Variants in THAP2 observed in about 807,000 individuals in gnomAD.
The protein encoded by THAP2 is THAP domain containing 2.
In THAP2, 16 loss-of-function variants were observed where a neutral mutation model predicts 18.8. That is an observed-to-expected ratio of 0.85 (90% CI 0.58 to 1.29). The LOEUF (loss-of-function observed/expected upper bound fraction) is 1.29, where lower values mean the gene tolerates loss of function less well. Ranked by LOEUF, THAP2 falls within the 50% of genes most tolerant of loss-of-function variation. The pLI is 0.00. For synonymous variants in THAP2, 80 were observed against 89.2 expected, an observed-to-expected ratio of 0.90 and a Z score of 0.58; for missense variants, 251 against 265.3, an observed-to-expected ratio of 0.95 and a Z score of 0.38.
At chr12:71,674,915 A>G (rs1032977253) in intron 2 of THAP2, among the ~76,000 whole-genome samples, 1 of 152,080 alleles carries the variant, frequency 6.6e-6, no homozygotes, top group African/African-American at 2.4e-5. Context: ...TTGCATAATG[A>G]GAACAAAAAC....
intron 1 of THAP2, among the ~76,000 whole-genome samples, chr12:71,672,815 G>A (rs891592574): frequency 6.6e-6 from 1 of 151,832 alleles, no homozygotes; most frequent in Admixed American, 6.6e-5. Context: ...ACTTCATATG[G>A]GTATCATGGT....
At chr12:71,669,725 G>A (rs943754253) in intron 1 of THAP2, among the ~76,000 whole-genome samples, 8 of 152,118 alleles carry the variant, frequency 5.3e-5, no homozygotes, top group Non-Finnish European at 1.2e-4. Flanking sequence ...GGAGGCCGAG[G>A]CAGGTGGATC....
At chr12:71,668,462 C>A (rs891701786) in intron 1 of THAP2, among the ~76,000 whole-genome samples, 2 of 113,508 alleles carry the variant, frequency 1.8e-5, no homozygotes, top group African/African-American at 1.2e-4. Flanking sequence ...CCCCACTTTA[C>A]ATATGATAAA....
Position 71,674,502 on chromosome 12 carries a change from A to G in THAP2, c.267+104A>G, listed in dbSNP as rs917055108. 13 of 1,124,578 alleles carry G rather than the reference A, an allele frequency of 1.2e-5. No homozygotes were observed. In the Admixed American group the frequency reaches 3.0e-4, roughly 26 times the overall value. 69.7% of individuals were successfully genotyped at this position (1,124,578 alleles called of 1,614,324 possible). On this transcript the variant is annotated intron_variant, in intron 2 of 2. Coordinates refer to ENST00000308086, the MANE Select transcript of THAP2 (RefSeq NM_031435.4). Reference sequence around the variant, plus strand: ...TTCATTTATAGTGATATGCCTCAAAAAAGTTGCAGACCTTCCTCTTGTACA... The same window carrying G: ...TTCATTTATAGTGATATGCCTCAAAGAAGTTGCAGACCTTCCTCTTGTACA...
chr12:71,668,177 C>T (rs1025686654), intron 1 of THAP2, among the ~76,000 whole-genome samples: 6 of 152,054 alleles, frequency 3.9e-5, no homozygotes, highest in East Asian at 3.9e-4. Context: ...ATTCTCTGTC[C>T]CCAAGATATT....
At chr12:71,675,436 AATTT>A (rs1356627196) in intron 2 of THAP2, among the ~76,000 whole-genome samples, 6 of 152,102 alleles carry the variant, frequency 3.9e-5, no homozygotes, top group East Asian at 1.9e-4. Context: ...ACATTTTGAT[AATTT>A]ATTTATTTAA....
At position 71,674,241 on chromosome 12, in the gene THAP2, G is replaced by A. The variant is rs761306932; in HGVS notation, c.110G>A (p.Arg37His). 16 of 1,608,606 alleles carry A rather than the reference G, an allele frequency of 9.9e-6. No individual in the cohort carries two copies. The highest frequency in any genetic ancestry group is 2.2e-5 in the East Asian group (1 of 44,802). ...LDPKRRKEWVRLVRRKNFVPG... is the reference protein window; with the variant it reads ...LDPKRRKEWVHLVRRKNFVPG... ...CCTAAAAGAAGAAAAGAATGGGTTCGCCTGGTTAGGCGCAAAAATTTTGTG... is the reference window on the plus strand; with the variant it reads ...CCTAAAAGAAGAAAAGAATGGGTTCACCTGGTTAGGCGCAAAAATTTTGTG... The change falls in exon 2 of 3, where the codon CGC (arginine) becomes CAC (histidine). Residue 37 changes from arginine to histidine, a missense_variant. Transcript: ENST00000308086.
intron 1 of THAP2, among the ~76,000 whole-genome samples, chr12:71,673,821 T>A (rs1326874556): frequency 6.6e-6 from 1 of 152,190 alleles, no homozygotes; most frequent in Non-Finnish European, 1.5e-5. Context: ...TTTAGATATC[T>A]GATTTTTCTT....
intron 1 of THAP2, among the ~76,000 whole-genome samples, chr12:71,672,953 C>T (rs1881466041): frequency 6.6e-6 from 1 of 152,132 alleles, no homozygotes; most frequent in South Asian, 2.1e-4. Context: ...TAATTAGCAT[C>T]ACATGGCACT....
At position 71,664,427 on chromosome 12, in the gene THAP2, A is replaced by G; in HGVS notation, c.-83A>G. The G allele has an allele frequency of 6.4e-7, 1 of 1,568,362 alleles. No individual in the cohort carries two copies. The highest frequency in any genetic ancestry group is 8.8e-7 in the Non-Finnish European group (1 of 1,139,814). On this transcript the variant is annotated 5_prime_UTR_variant, in exon 1 of 3. Transcript: ENST00000308086. ...TCACGATTAAGGCACGCCTGCCTCG[A>G]TTGTCCAGCCTCTGCCAGAAGAAAG...
Position 71,677,169 on chromosome 12 carries a change from T to C in THAP2, c.*61T>C, listed in dbSNP as rs1433274964. ...TTCTTTTCAGAAGTAAAGATAATTA[T>C]GGCACTTATGCCAAAATTCATTATT... On this transcript the variant is annotated 3_prime_UTR_variant, in exon 3 of 3. Transcript: ENST00000308086. 7.3e-7 allele frequency: 1 copy of C among 1,377,346 alleles called. No homozygotes were observed. 85.3% of individuals were successfully genotyped at this position (1,377,346 alleles called of 1,614,324 possible).
At chr12:71,671,963 C>A (rs1362506330) in intron 1 of THAP2, among the ~76,000 whole-genome samples, 4 of 152,210 alleles carry the variant, frequency 2.6e-5, no homozygotes, top group Admixed American at 2.6e-4. Context: ...AAAGGGTTCT[C>A]ATTGTCCCAG....
chr12:71,680,289 T>C lies in THAP2; in HGVS notation c.*3181T>C, dbSNP rs1001864391. 5.2e-5 allele frequency: 8 copies of C among 152,470 alleles called. No individual in the cohort carries two copies. The highest frequency in any genetic ancestry group is 1.3e-4 in the Admixed American group (2 of 15,304). The allele number at this position is 152,470 out of a possible 1,614,324, so 9.4% of individuals were successfully genotyped here. On this transcript the variant is annotated 3_prime_UTR_variant, in exon 3 of 3. Coordinates refer to ENST00000308086, the MANE Select transcript of THAP2 (RefSeq NM_031435.4). Reference sequence around the variant, plus strand: ...ACATAGATTTTCTGCCAACAAATCCTCTCTGCTGTTCACATTATCCTTTGT... The same window carrying C: ...ACATAGATTTTCTGCCAACAAATCCCCTCTGCTGTTCACATTATCCTTTGT...
At chr12:71,670,113 G>A (rs549776721) in intron 1 of THAP2, among the ~76,000 whole-genome samples, 14 of 152,110 alleles carry the variant, frequency 9.2e-5, no homozygotes, top group Admixed American at 8.5e-4. Context: ...TGTAAATCCA[G>A]ACATTCACTT....
chr12:71,674,798 G>A (rs17227325), intron 2 of THAP2, among the ~76,000 whole-genome samples: 2,278 of 152,186 alleles, frequency 0.015, 36 homozygotes, highest in Middle Eastern at 0.027. Flanking sequence ...AGGGAGGCAG[G>A]CATGACAGAA....
Position 71,679,645 on chromosome 12 carries a change from A to G in THAP2, c.*2537A>G, listed in dbSNP as rs867022089. 5.3e-5 allele frequency: 8 copies of G among 152,270 alleles called. No individual in the cohort carries two copies. The Middle Eastern group carries it at 0.01, about 194-fold the overall frequency. The allele number at this position is 152,270 out of a possible 1,614,324, so 9.4% of individuals were successfully genotyped here. On this transcript the variant is annotated 3_prime_UTR_variant, in exon 3 of 3. Transcript: ENST00000308086. ...TTATTTTCTGCCCTCAAGTTGCTCTATCTCCTGAAAGAAACAAGTAATATT... is the reference window on the plus strand; with the variant it reads ...TTATTTTCTGCCCTCAAGTTGCTCTGTCTCCTGAAAGAAACAAGTAATATT...
In THAP2 at chr12:71,674,317, T is replaced by A. The variant is rs778116412; in HGVS notation, c.186T>A (p.Phe62Leu). The change falls in exon 2 of 3, where the codon TTT (phenylalanine) becomes TTA (leucine). Residue 62 changes from phenylalanine to leucine, a missense_variant. Phe to Leu is a conservative substitution (Grantham distance 22). Coordinates refer to ENST00000308086, the MANE Select transcript of THAP2 (RefSeq NM_031435.4). ...LCSKHFEASC[F>L]DLTGQTRRLK... is the part of the protein sequence containing the mutation. ...CAAAGCACTTTGAAGCCTCCTGTTT[T>A]GACCTAACAGGACAAACTCGACGAC... The A allele has an allele frequency of 6.2e-7, 1 of 1,613,486 alleles. No homozygotes were observed.
intron 1 of THAP2, among the ~76,000 whole-genome samples, chr12:71,665,886 G>C (rs184781316): frequency 4.5e-4 from 68 of 152,312 alleles, no homozygotes; most frequent in Non-Finnish European, 1.2e-4. Flanking sequence ...CATCGGGAAT[G>C]AACTTGATGA....
chr12:71,674,497 T>C, intron 2 of THAP2, 99 bp downstream of exon 2: 1 of 1,210,836 alleles, frequency 8.3e-7, no homozygotes, highest in Non-Finnish European at 1.1e-6. Context: ...GTGATATGCC[T>C]CAAAAAAGTT....
Sources: gnomAD v4.1 joint callset for allele counts (sites outside exome capture counted in the v4.1 genomes callset) on GRCh38, gnomAD v4.1.1 for gene constraint, MANE v1.5 for transcripts, NCBI Gene and HGNC (gene_info 2026-07-23, HGNC 2026-07-21) for gene names.